Variants in NOP56 observed in about 807,000 individuals in gnomAD.
The protein encoded by NOP56 is NOP56 ribonucleoprotein.
Under a neutral mutation model 58.3 loss-of-function variants are expected in NOP56, and 31 were observed. The ratio of observed to expected loss-of-function variants is 0.53; its 90% confidence interval spans 0.40 to 0.72. The LOEUF is 0.72. Ranked by LOEUF, NOP56 falls within the 30% of genes least tolerant of loss-of-function variation. The probability of loss-of-function intolerance (pLI) is 0.00; values close to 1 mark genes in which losing one functional copy is unlikely to be tolerated. For synonymous variants in NOP56, 313 were observed against 282.8 expected, an observed-to-expected ratio of 1.11 and a Z score of -1.07; for missense variants, 669 against 739.9, an observed-to-expected ratio of 0.90 and a Z score of 1.11.
At chr20:2,655,802 G>A (rs2146295738) in intron 7 of NOP56, 56 bp downstream of exon 7, 12 of 1,612,948 alleles carry the variant, frequency 7.4e-6, no homozygotes, top group Non-Finnish European at 1.0e-5. Context: ...ATGTGCACCT[G>A]CACTGCTGTA....
chr20:2,655,909 A>C, intron 7 of NOP56, 25 bp from the exon 8 acceptor site: 1 of 1,614,032 alleles, frequency 6.2e-7, no homozygotes, highest in South Asian at 1.1e-5. Flanking sequence ...CATTTCTCTG[A>C]CTGCTTCCTT....
chr20:2,653,523 A>T (rs1354051101), intron 3 of NOP56, 130 bp downstream of exon 3: 3 of 688,310 alleles, frequency 4.4e-6, no homozygotes, highest in Non-Finnish European at 7.8e-6. Flanking sequence ...TATTTGAGCC[A>T]TACAATGTGT....
chr20:2,657,796 T>C (rs1412195380), intron 11 of NOP56, 133 bp from the exon 12 acceptor site: 1 of 1,004,362 alleles, frequency 1.0e-6, no homozygotes, highest in Non-Finnish European at 1.5e-6. Context: ...TCTAAAGTTA[T>C]ACCCACACAA....
At position 2,652,732 on chromosome 20, in the gene NOP56, A is replaced by AGGGCCT. The variant is rs1555779353; in HGVS notation, c.3+89_4-85dup. On this transcript the variant is annotated intron_variant, in intron 1 of 11. Transcript: ENST00000329276. The stretch of plus-strand genomic sequence containing the variant: ...TTCGGCCTGCGTTCGGGCCGCAGAC[A>AGGGCCT]GGGCCTGGGCCTGGGCCTGGGCCTG... 1,242 of 1,108,316 alleles carry AGGGCCT rather than the reference A, an allele frequency of 1.1e-3. 13 individuals carry two copies. The African/African-American group carries it at 0.015, about 13-fold the overall frequency. The allele number at this position is 1,108,316 out of a possible 1,614,324, so 68.7% of individuals were successfully genotyped here. A position where few individuals can be genotyped will look rare whatever the true frequency, so the allele number is the denominator to read the frequency against.
chr20:2,657,862 G>A (rs2039946278), intron 11 of NOP56, 67 bp from the exon 12 acceptor site: 1 of 1,496,830 alleles, frequency 6.7e-7, no homozygotes. Flanking sequence ...CCCTGCCTTG[G>A]CTACTTAATT....
chr20:2,657,009 C>G (rs1447758781), intron 10 of NOP56, 72 bp from the exon 11 acceptor site: 8 of 1,613,764 alleles, frequency 5.0e-6, no homozygotes, highest in Non-Finnish European at 5.9e-6. Context: ...TGAGCCTGAT[C>G]CAATAAAGCC....
Position 2,655,357 on chromosome 20 carries a change from T to C in NOP56, c.602T>C (p.Val201Ala). 6.2e-7 allele frequency: 1 copy of C among 1,614,132 alleles called. No individual in the cohort carries two copies. Among genetic ancestry groups the C allele is most frequent in the Non-Finnish European group, 8.5e-7 (1 of 1,180,014 alleles). ...EWYGYHFPEL[V>A]KIINDNATYC... ...TACGGGTATCACTTTCCGGAGCTGG[T>C]GAAGATCATCAACGACAATGCCACA... The change falls in exon 6 of 12, where the codon GTG (valine) becomes GCG (alanine). Residue 201 changes from valine to alanine, a missense_variant. Val to Ala is a moderately conservative substitution (Grantham distance 64, BLOSUM62 0). Coordinates refer to ENST00000329276, the MANE Select transcript of NOP56 (RefSeq NM_006392.4).
intron 11 of NOP56, 67 bp downstream of exon 11, chr20:2,657,285 T>C (rs2146299092): frequency 1.9e-6 from 3 of 1,606,996 alleles, no homozygotes; most frequent in East Asian, 4.5e-5. Flanking sequence ...GAACAAAGGA[T>C]ATGCTGCATC....
At chr20:2,656,968 T>C (rs771953540) in intron 10 of NOP56, 73 bp downstream of exon 10, 1 of 1,613,776 alleles carries the variant, frequency 6.2e-7, no homozygotes, top group Non-Finnish European at 8.5e-7. Context: ...GAGCCTGACC[T>C]TGTAGAATGG....
chr20:2,657,059 T>C, intron 10 of NOP56, 22 bp from the exon 11 acceptor site: 3 of 1,614,048 alleles, frequency 1.9e-6, no homozygotes, highest in Non-Finnish European at 2.5e-6. Flanking sequence ...TTCAGGCCCT[T>C]TTAGCACTTT....
intron 11 of NOP56, 98 bp from the exon 12 acceptor site, chr20:2,657,831 C>A: frequency 1.5e-6 from 2 of 1,329,938 alleles, no homozygotes; most frequent in Non-Finnish European, 2.1e-6. Flanking sequence ...AAACACTGGG[C>A]AATGTTAACG....
chr20:2,657,006 G>A, intron 10 of NOP56, 75 bp from the exon 11 acceptor site: 1 of 1,613,866 alleles, frequency 6.2e-7, no homozygotes. Flanking sequence ...TAATGAGCCT[G>A]ATCCAATAAA....
intron 7 of NOP56, 40 bp downstream of exon 7, chr20:2,655,786 G>A (rs2146295691): frequency 1.2e-6 from 2 of 1,613,936 alleles, no homozygotes; most frequent in Non-Finnish European, 1.7e-6. Flanking sequence ...AATAAGGACT[G>A]TTGCCATGTG....
rs770658716 is a variant in NOP56, at chr20:2,657,754, C to T, written c.1420-175C>T. Reference sequence around the variant, plus strand: ...AGGTAATTTCTCATGACATGTTTTCCTTCTAATTTGGGACAGCCTTTGGGG... The same window carrying T: ...AGGTAATTTCTCATGACATGTTTTCTTTCTAATTTGGGACAGCCTTTGGGG... On this transcript the variant is annotated intron_variant, in intron 11 of 11. Coordinates refer to ENST00000329276, the MANE Select transcript of NOP56 (RefSeq NM_006392.4). 4.4e-5 allele frequency: 30 copies of T among 684,584 alleles called. No homozygotes were observed. The African/African-American group carries it at 4.9e-4, about 11-fold the overall frequency. 42.4% of individuals were successfully genotyped at this position (684,584 alleles called of 1,614,324 possible).
chr20:2,653,689 TC>T, intron 3 of NOP56: 1 of 287,612 alleles, frequency 3.5e-6, no homozygotes, highest in Non-Finnish European at 6.7e-6. Flanking sequence ...ATGGAGTCTG[TC>T]CCCCAGGCTG....
At chr20:2,653,686 C>G (rs2086780293) in intron 3 of NOP56, 1 of 297,294 alleles carries the variant, frequency 3.4e-6, no homozygotes, top group Admixed American at 4.8e-5. Flanking sequence ...GAGATGGAGT[C>G]TGTCCCCCAG....
chr20:2,655,118 G>A, intron 5 of NOP56, 171 bp downstream of exon 5: 1 of 1,057,006 alleles, frequency 9.5e-7, no homozygotes, highest in Non-Finnish European at 1.5e-6. Context: ...TGTATAGAAA[G>A]AGGAGGTAGA....
At chr20:2,655,053 T>C in intron 5 of NOP56, 106 bp downstream of exon 5, 1 of 1,387,676 alleles carries the variant, frequency 7.2e-7, no homozygotes, top group African/African-American at 1.4e-5. Flanking sequence ...CCATGTGGGC[T>C]GGGGCTGGGT....
At chr20:2,657,699 G>A (rs1428312580) in intron 11 of NOP56, 2 of 544,150 alleles carry the variant, frequency 3.7e-6, no homozygotes, top group Admixed American at 6.7e-5. Flanking sequence ...CATGGTGGGT[G>A]TTTTTTAGGT....
Sources: allele counts gnomAD v4.1 joint callset, GRCh38; gene constraint gnomAD v4.1.1; transcripts MANE v1.5; gene names NCBI Gene and HGNC (gene_info 2026-07-23, HGNC 2026-07-21).